Variants in CDH13 observed in about 807,000 individuals in gnomAD.
CDH13 encodes the protein cadherin 13.
A neutral mutation model predicts 63.8 loss-of-function variants in CDH13; 24 were observed. The ratio of observed to expected loss-of-function variants is 0.38; its 90% CI spans 0.27 to 0.53. The LOEUF (loss-of-function observed/expected upper bound fraction) is 0.53, where lower values mean the gene tolerates loss of function less well. Among genes scored for constraint, CDH13 ranks in the 20% least tolerant of loss-of-function variants. The pLI is 0.85. For synonymous variants in CDH13, 503 were observed against 355.3 expected (o/e 1.42, Z -4.67); for missense variants, 1,049 against 903.1 (o/e 1.16, Z -2.07).
At chr16:83,428,840 C>T (rs1265046072) in intron 6 of CDH13, among the ~76,000 whole-genome samples, 1 of 152,224 alleles carries the variant, frequency 6.6e-6, no homozygotes, top group Non-Finnish European at 1.5e-5. Flanking sequence ...TGTTTCAAAT[C>T]TCCCCATCTT....
At chr16:83,338,067 C>T (rs925223053) in intron 5 of CDH13, among the ~76,000 whole-genome samples, 3 of 151,492 alleles carry the variant, frequency 2.0e-5, no homozygotes, top group African/African-American at 7.3e-5. Context: ...TGGACCAGGT[C>T]CTTAAATTTC....
At chr16:83,213,492 T>C (rs938723697) in intron 4 of CDH13, among the ~76,000 whole-genome samples, 1 of 152,096 alleles carries the variant, frequency 6.6e-6, no homozygotes, top group African/African-American at 2.4e-5. Context: ...CAAGAAAAGA[T>C]AACTAACAGC....
chr16:82,812,921 G>A (rs62036830), intron 1 of CDH13, among the ~76,000 whole-genome samples: 23,716 of 151,874 alleles, frequency 0.16, 1,955 homozygotes, highest in Admixed American at 0.2. Flanking sequence ...GGAGAGAAGG[G>A]ATTTATGATG....
chr16:83,162,152 C>G (rs2037474700), intron 4 of CDH13, among the ~76,000 whole-genome samples: 1 of 152,154 alleles, frequency 6.6e-6, no homozygotes, highest in Non-Finnish European at 1.5e-5. Flanking sequence ...ATCATATAAC[C>G]AAGTACTGGA....
chr16:83,512,997 T>G (rs2074608917), intron 7 of CDH13, among the ~76,000 whole-genome samples: 1 of 148,732 alleles, frequency 6.7e-6, no homozygotes, highest in Non-Finnish European at 1.5e-5. Flanking sequence ...ATCCAGGAAG[T>G]ATTTCGCAGA....
chr16:83,231,862 G>A (rs919583760), intron 5 of CDH13, among the ~76,000 whole-genome samples: 1 of 152,174 alleles, frequency 6.6e-6, no homozygotes, highest in Non-Finnish European at 1.5e-5. Context: ...GAATCATGGG[G>A]GTGGACCCCT....
At chr16:82,886,303 T>C (rs1409051057) in intron 2 of CDH13, among the ~76,000 whole-genome samples, 1 of 152,212 alleles carries the variant, frequency 6.6e-6, no homozygotes, top group Non-Finnish European at 1.5e-5. Context: ...AGTGTACACA[T>C]TGCAAAGCTG....
At chr16:82,772,919 C>G (rs549416664) in intron 1 of CDH13, among the ~76,000 whole-genome samples, 2 of 152,264 alleles carry the variant, frequency 1.3e-5, no homozygotes, top group East Asian at 1.9e-4. Context: ...CAGTGGCCAT[C>G]AGGATGACCT....
At chr16:83,413,759 G>A (rs1024664673) in intron 6 of CDH13, among the ~76,000 whole-genome samples, 1 of 152,042 alleles carries the variant, frequency 6.6e-6, no homozygotes, top group African/African-American at 2.4e-5. Context: ...AGGCTGAGGC[G>A]AGAGGATCAC....
Position 83,012,750 on chromosome 16 carries a change from C to T in CDH13, c.158-19260C>T, listed in dbSNP as rs532267508. Among the ~76,000 whole-genome samples, 3 of 152,184 alleles carry T rather than the reference C, an allele frequency of 2.0e-5. No homozygotes were observed. The East Asian group carries it at 5.8e-4, about 29-fold the overall frequency. Reference sequence around the variant, plus strand: ...ATTATAGATACAGTTCCATTTGGCACTTCAGGGTATATTTATTTTCTCTGT... The same window carrying T: ...ATTATAGATACAGTTCCATTTGGCATTTCAGGGTATATTTATTTTCTCTGT... On this transcript the variant is annotated intron_variant, in intron 2 of 13. Coordinates refer to ENST00000567109, the MANE Select transcript of CDH13 (RefSeq NM_001257.5).
intron 10 of CDH13, among the ~76,000 whole-genome samples, chr16:83,733,069 T>TC (rs1911192250): frequency 6.6e-6 from 1 of 152,104 alleles, no homozygotes; most frequent in Admixed American, 6.5e-5. Context: ...GGCAGGAAGC[T>TC]CCCCACCTTG....
At chr16:83,574,975 T>C (rs1904973311) in intron 7 of CDH13, among the ~76,000 whole-genome samples, 1 of 151,728 alleles carries the variant, frequency 6.6e-6, no homozygotes, top group Non-Finnish European at 1.5e-5. Context: ...CGATAATAGC[T>C]AAAAAGTGGG....
chr16:82,639,691 C>A (rs943751724), intron 1 of CDH13, among the ~76,000 whole-genome samples: 2 of 152,194 alleles, frequency 1.3e-5, no homozygotes, highest in African/African-American at 4.8e-5. Flanking sequence ...TTTTGTCTTA[C>A]CAGACTAGTG....
intron 10 of CDH13, among the ~76,000 whole-genome samples, chr16:83,730,108 G>A (rs574962332): frequency 7.2e-5 from 11 of 152,178 alleles, no homozygotes; most frequent in East Asian, 3.8e-4. Context: ...TAATGTCTAC[G>A]TAGCATTCCA....
At chr16:83,222,720 A>G (rs1384871092) in intron 5 of CDH13, among the ~76,000 whole-genome samples, 1 of 151,816 alleles carries the variant, frequency 6.6e-6, no homozygotes, top group Non-Finnish European at 1.5e-5. Context: ...CAACAAAATC[A>G]CCTCCAACTA....
At chr16:83,290,281 C>T (rs1022307982) in intron 5 of CDH13, among the ~76,000 whole-genome samples, 4 of 152,186 alleles carry the variant, frequency 2.6e-5, no homozygotes, top group Non-Finnish European at 4.4e-5. Context: ...TCTTCAGTCC[C>T]TGATATGATT....
At chr16:83,134,578 AGAGAGAGAGAGAGAGT>A (rs1446930168) in intron 4 of CDH13, among the ~76,000 whole-genome samples, 1,809 of 67,558 alleles carry the variant, frequency 0.027, 163 homozygotes, top group African/African-American at 0.12. Flanking sequence ...AGAGAGAGAG[AGAGAGAGAGAGAGAGT>A]GAGTTACATG....
intron 7 of CDH13, among the ~76,000 whole-genome samples, chr16:83,519,282 T>C (rs2074773719): frequency 6.6e-6 from 1 of 152,200 alleles, no homozygotes; most frequent in African/African-American, 2.4e-5. Context: ...CGCCCTAGCA[T>C]TGGAGTCCAG....
chr16:83,225,104 G>T (rs184613890), intron 5 of CDH13, among the ~76,000 whole-genome samples: 1 of 152,250 alleles, frequency 6.6e-6, no homozygotes, highest in African/African-American at 2.4e-5. Flanking sequence ...AGAAACTCTC[G>T]GGGTGGGTCT....
Sources: allele counts gnomAD v4.1 joint callset (sites outside exome capture counted in the v4.1 genomes callset), GRCh38; gene constraint gnomAD v4.1.1; transcripts MANE v1.5; gene names NCBI Gene and HGNC (gene_info 2026-07-23, HGNC 2026-07-21).